The following CAMSAP2 variants were observed in gnomAD, a reference collection of about 807,000 sequenced individuals.
The protein encoded by CAMSAP2 is calmodulin regulated spectrin associated protein family member 2, also known as calmodulin-regulated spectrin-associated protein 2.
In CAMSAP2, 26 loss-of-function variants were observed where a neutral mutation model predicts 146.1. That is an observed-to-expected ratio of 0.18 (90% CI 0.13 to 0.25). The LOEUF (loss-of-function observed/expected upper bound fraction) is 0.25, where lower values mean the gene tolerates loss of function less well. Among genes scored for constraint, CAMSAP2 ranks in the 10% least tolerant of loss-of-function variants. The pLI is 1.00. For synonymous variants in CAMSAP2, 499 were observed against 596.6 expected (o/e 0.84, Z 2.38); for missense variants, 1,381 against 1,759.3 (o/e 0.78, Z 3.85).
rs1664078371 is a variant in CAMSAP2, at chr1:200,739,400, G to A, written c.-428G>A. Reference sequence around the variant, plus strand: ...CGATGGCGGGGACATTTTCCACAACGTGATTGTTGAAGGCTCCCCCCATCC... The same window carrying A: ...CGATGGCGGGGACATTTTCCACAACATGATTGTTGAAGGCTCCCCCCATCC... On this transcript the variant is annotated 5_prime_UTR_variant, in exon 1 of 17. In the 5' UTR this introduces an upstream ATG that the reference lacks. Transcript: ENST00000358823. The surrounding 1 kb of genome is among the most constrained non-coding windows in gnomAD (Gnocchi z 4.8). 6.6e-6 allele frequency among the ~76,000 whole-genome samples: 1 copy of A among 152,128 alleles called. No individual in the cohort carries two copies. The highest frequency in any genetic ancestry group is 2.1e-4 in the South Asian group (1 of 4,834).
In CAMSAP2 at chr1:200,857,682, T is replaced by C; in HGVS notation, c.4132-72T>C. Reference sequence around the variant, plus strand: ...GTGACTAAGAAACGTAACATAATTATATAAACTTTATTCAGCAAAATAAAG... The same window carrying C: ...GTGACTAAGAAACGTAACATAATTACATAAACTTTATTCAGCAAAATAAAG... On this transcript the variant is annotated intron_variant, in intron 16 of 16. Transcript: ENST00000358823. This position sits in a 1 kb window ranked among gnomAD's most constrained non-coding sequence, Gnocchi z 4.7. 2 of 1,273,270 alleles carry C rather than the reference T, an allele frequency of 1.6e-6. No individual in the cohort carries two copies. The highest frequency in any genetic ancestry group is 2.2e-6 in the Non-Finnish European group (2 of 920,292). The allele number at this position is 1,273,270 out of a possible 1,614,324, so 78.9% of individuals were successfully genotyped here.
At chr1:200,751,247 A>C (rs984835156) in intron 1 of CAMSAP2, among the ~76,000 whole-genome samples, 1 of 151,302 alleles carries the variant, frequency 6.6e-6, no homozygotes, top group African/African-American at 2.4e-5. Flanking sequence ...TATATATAGG[A>C]TATAAATAAA....
chr1:200,836,226 C>T (rs544532920), intron 6 of CAMSAP2, among the ~76,000 whole-genome samples: 13 of 152,212 alleles, frequency 8.5e-5, no homozygotes, highest in African/African-American at 2.9e-4. Flanking sequence ...CCTTAATACC[C>T]ATCAGTTATT....
intron 3 of CAMSAP2, among the ~76,000 whole-genome samples, chr1:200,812,169 A>G (rs1666349951): frequency 6.6e-6 from 1 of 152,120 alleles, no homozygotes; most frequent in African/African-American, 2.4e-5. Context: ...AGAATAGTCT[A>G]TGTGAGGATA....
chr1:200,751,599 C>A (rs1404533981), intron 1 of CAMSAP2, among the ~76,000 whole-genome samples: 1 of 149,180 alleles, frequency 6.7e-6, no homozygotes, highest in Non-Finnish European at 1.5e-5. Flanking sequence ...AAGGCAGGGA[C>A]CAGACTACCA....
chr1:200,746,600 G>A (rs1258238962), intron 1 of CAMSAP2, among the ~76,000 whole-genome samples: 6 of 151,364 alleles, frequency 4.0e-5, no homozygotes. Flanking sequence ...AAAAGTAGGT[G>A]ACTACCAGTC....
Position 200,858,989 on chromosome 1 carries a change from T to G in CAMSAP2, c.*930T>G, listed in dbSNP as rs1451063615. 1 of 152,520 alleles carries G rather than the reference T, an allele frequency of 6.6e-6. No homozygotes were observed. The highest frequency in any genetic ancestry group is 1.5e-5 in the Non-Finnish European group (1 of 67,924). The allele number at this position is 152,520 out of a possible 1,614,324, so 9.4% of individuals were successfully genotyped here. ...CTGAAACAAGTTCTCAAGAAGTCTT[T>G]ACATTATATTTATAACTCATATAAA... On this transcript the variant is annotated 3_prime_UTR_variant, in exon 17 of 17. Coordinates refer to ENST00000358823, the MANE Select transcript of CAMSAP2 (RefSeq NM_203459.4).
chr1:200,825,401 A>AAACAT (rs1168549892), intron 4 of CAMSAP2, among the ~76,000 whole-genome samples: 17 of 152,290 alleles, frequency 1.1e-4, no homozygotes, highest in African/African-American at 3.9e-4. Flanking sequence ...TTCTAGCACA[A>AAACAT]AACATAACAT....
At chr1:200,817,111 T>A (rs534606908) in intron 4 of CAMSAP2, among the ~76,000 whole-genome samples, 1 of 144,614 alleles carries the variant, frequency 6.9e-6, no homozygotes, top group Non-Finnish European at 1.5e-5. Context: ...TACACACACG[T>A]GTGTGTATAT....
At chr1:200,851,831 C>T (rs1002880133) in intron 11 of CAMSAP2, among the ~76,000 whole-genome samples, 1 of 152,160 alleles carries the variant, frequency 6.6e-6, no homozygotes, top group African/African-American at 2.4e-5. Context: ...GACATTAAGA[C>T]AGTGAACCAC....
intron 6 of CAMSAP2, among the ~76,000 whole-genome samples, chr1:200,836,876 C>T (rs150882714): frequency 1.3e-5 from 2 of 151,920 alleles, no homozygotes; most frequent in Non-Finnish European, 2.9e-5. Flanking sequence ...GCTTGTTGGC[C>T]GCGTGTATGT....
At chr1:200,823,884 A>T (rs918874996) in intron 4 of CAMSAP2, among the ~76,000 whole-genome samples, 1 of 152,126 alleles carries the variant, frequency 6.6e-6, no homozygotes, top group Admixed American at 6.5e-5. Flanking sequence ...TATTTTTTAT[A>T]TTCAATCATT....
Position 200,848,345 on chromosome 1 carries a change from A to T in CAMSAP2, c.1576A>T (p.Asn526Tyr). The T allele has an allele frequency of 6.2e-7, 1 of 1,613,976 alleles. No homozygotes were observed. Among genetic ancestry groups the T allele is most frequent in the Non-Finnish European group, 8.5e-7 (1 of 1,179,928 alleles). The change falls in exon 11 of 17, where the codon AAT (asparagine) becomes TAT (tyrosine). Residue 526 changes from asparagine (N) to tyrosine (Y), a missense_variant. Asn to Tyr is a moderately radical substitution (Grantham distance 143, BLOSUM62 -2). Coordinates refer to ENST00000358823, the MANE Select transcript of CAMSAP2 (RefSeq NM_203459.4). ...HYKLPNGALQ[N>Y]RILLDEFGNQ... ...CAAGCTTCCAAATGGAGCTTTACAA[A>T]ATAGAATACTTCTTGACGAGTTTGG... is the stretch of plus-strand genomic sequence containing the variant.
At chr1:200,793,463 A>G (rs1665807756) in intron 2 of CAMSAP2, among the ~76,000 whole-genome samples, 1 of 152,186 alleles carries the variant, frequency 6.6e-6, no homozygotes, top group Non-Finnish European at 1.5e-5. Context: ...GGAAAACAAA[A>G]TAGTAACAAC....
chr1:200,746,216 G>A (rs1419085427), intron 1 of CAMSAP2, among the ~76,000 whole-genome samples: 1 of 152,160 alleles, frequency 6.6e-6, no homozygotes, highest in African/African-American at 2.4e-5. Flanking sequence ...AATTGGAGGA[G>A]GGCCAAGAGT....
rs372250208 is a variant in CAMSAP2, at chr1:200,739,982, C to T, written c.139+16C>T. On this transcript the variant is annotated intron_variant, in intron 1 of 16. Coordinates refer to ENST00000358823, the MANE Select transcript of CAMSAP2 (RefSeq NM_203459.4). This position sits in a 1 kb window ranked among gnomAD's most constrained non-coding sequence, Gnocchi z 4.8. ...TTTGGGACAGGTTAGTGGTGTCACC[C>T]TTTCCCTCCCCTCTTCCTCCTGATG... 1.2e-6 allele frequency: 2 copies of T among 1,613,524 alleles called. No individual in the cohort carries two copies. Among genetic ancestry groups the T allele is most frequent in the Non-Finnish European group, 1.7e-6 (2 of 1,179,636 alleles).
chr1:200,851,547 C>T (rs183718685), intron 11 of CAMSAP2, among the ~76,000 whole-genome samples: 43 of 152,244 alleles, frequency 2.8e-4, no homozygotes, highest in African/African-American at 9.6e-4. Context: ...TGGCAAACTA[C>T]AATATATGTA....
chr1:200,809,663 G>A (rs1389000962), intron 3 of CAMSAP2, among the ~76,000 whole-genome samples: 3 of 152,154 alleles, frequency 2.0e-5, no homozygotes, highest in African/African-American at 7.2e-5. Flanking sequence ...CCTGGGAGGC[G>A]GAGGTTGCAG....
At position 200,809,953 on chromosome 1, in the gene CAMSAP2, A is replaced by G. The variant is rs142101380; in HGVS notation, c.561+2416A>G. Among the ~76,000 whole-genome samples, 80 of 152,246 alleles carry G rather than the reference A, an allele frequency of 5.3e-4. 1 individual carries two copies. Among genetic ancestry groups the G allele is most frequent in the African/African-American group, 1.8e-3 (75 of 41,540 alleles). On this transcript the variant is annotated intron_variant, in intron 3 of 16. Coordinates refer to ENST00000358823, the MANE Select transcript of CAMSAP2 (RefSeq NM_203459.4). ...TCAGGTCTGTCTTCCCCGTCTTACA[A>G]AGCTGCTAGTGATAGCCCGTTGATC...
Sources: allele counts gnomAD v4.1 joint callset (sites outside exome capture counted in the v4.1 genomes callset), GRCh38; gene constraint gnomAD v4.1.1; non-coding constraint Gnocchi (gnomAD v3.1); transcripts MANE v1.5; gene names NCBI Gene and HGNC (gene_info 2026-07-23, HGNC 2026-07-21).